TBC1D16: variants seen among roughly 807,000 people sequenced by gnomAD.
TBC1D16 encodes the protein CTD-2529O21.1.
Under a neutral mutation model 74.7 loss-of-function variants are expected in TBC1D16, and 58 were observed. That is an observed-to-expected ratio of 0.78 (90% CI 0.63 to 0.97). The LOEUF (loss-of-function observed/expected upper bound fraction) is 0.97, where lower values mean the gene tolerates loss of function less well. Among genes scored for constraint, TBC1D16 ranks in the 50% least tolerant of loss-of-function variants. The pLI is 0.00. For missense variants in TBC1D16, 1,014 were observed against 1,079.5 expected (o/e 0.94, Z 0.85); for synonymous variants, 493 against 474.7 (o/e 1.04, Z -0.50).
Position 79,985,576 on chromosome 17 carries a change from TG to T in TBC1D16, c.779+24583del, listed in dbSNP as rs1172967152. Reference sequence around the variant, plus strand: ...ACTGGCCTGGCACTCACGCTCGGGGTGGGGGGCATCCCAGGCCCTGAGACTG... The same window carrying T: ...ACTGGCCTGGCACTCACGCTCGGGGTGGGGGCATCCCAGGCCCTGAGACTG... On this transcript the variant is annotated intron_variant, in intron 3 of 11. Transcript: ENST00000310924. This position sits in a 1 kb window ranked among gnomAD's most constrained non-coding sequence, Gnocchi z 4.9. Among the ~76,000 whole-genome samples, 1 of 152,096 alleles carries T rather than the reference TG, an allele frequency of 6.6e-6. No individual in the cohort carries two copies. The highest frequency in any genetic ancestry group is 1.5e-5 in the Non-Finnish European group (1 of 67,996).
intron 3 of TBC1D16, among the ~76,000 whole-genome samples, chr17:79,974,605 AG>A (rs1208140434): frequency 6.6e-6 from 1 of 152,126 alleles, no homozygotes; most frequent in Non-Finnish European, 1.5e-5. Context: ...AGCTGCAGTG[AG>A]GGGGGACTAT....
intron 1 of TBC1D16, among the ~76,000 whole-genome samples, chr17:80,017,391 G>A (rs1382303299): frequency 6.6e-6 from 1 of 152,020 alleles, no homozygotes; most frequent in African/African-American, 2.4e-5. Context: ...CTTAAAAAAC[G>A]TAAAAACCGG....
rs1371164786 is a variant in TBC1D16 at position 79,941,107 on chromosome 17, C to T, written c.2056G>A (p.Ala686Thr). 1.9e-6 allele frequency: 3 copies of T among 1,568,930 alleles called. No individual in the cohort carries two copies. In the African/African-American group the frequency reaches 4.1e-5, roughly 21 times the overall value. Residue 686 changes from alanine (A) to threonine (T), a missense_variant and splice_region_variant, in exon 12 of 12, where the codon GCG (alanine) becomes ACG (threonine). Coordinates refer to ENST00000310924, the MANE Select transcript of TBC1D16 (RefSeq NM_019020.4). This position sits in a 1 kb window ranked among gnomAD's most constrained non-coding sequence, Gnocchi z 4.3. ...CGGAACTGGTACAGCAAACTCCTCGCCTGCAGACAGAGGACGGGGGGTGAG... is the reference window on the plus strand; with the variant it reads ...CGGAACTGGTACAGCAAACTCCTCGTCTGCAGACAGAGGACGGGGGGTGAG... Reference protein sequence around the residue: ...HMNGELVLRKARSLLYQFRLL... With the variant: ...HMNGELVLRKTRSLLYQFRLL...
rs1184344056 is a variant in TBC1D16 at position 80,007,919 on chromosome 17, C to T, written c.779+2241G>A. Among the ~76,000 whole-genome samples the T allele has an allele frequency of 2.6e-5, 4 of 151,962 alleles. No homozygotes were observed. The highest frequency in any genetic ancestry group is 5.9e-5 in the Non-Finnish European group (4 of 67,990). On this transcript the variant is annotated intron_variant, in intron 3 of 11. Coordinates refer to ENST00000310924, the MANE Select transcript of TBC1D16 (RefSeq NM_019020.4). This position sits in a 1 kb window ranked among gnomAD's most constrained non-coding sequence, Gnocchi z 4.5. ...CATCCTGAAAATGATGGGCGGCCCC[C>T]GGTGGGTCCCAGGCAGAGGGACAGC...
At chr17:79,960,721 C>T (rs890413272) in intron 3 of TBC1D16, among the ~76,000 whole-genome samples, 4 of 138,908 alleles carry the variant, frequency 2.9e-5, no homozygotes, top group African/African-American at 1.1e-4. Flanking sequence ...TGCCACTGCA[C>T]TTCAGCCCGA....
In TBC1D16 at chr17:80,035,654, C is replaced by G. The variant is rs1050119162; in HGVS notation, c.-63+141G>C. 2 of 150,356 alleles carry G rather than the reference C, an allele frequency of 1.3e-5. No individual in the cohort carries two copies. The highest frequency in any genetic ancestry group is 4.9e-5 in the African/African-American group (2 of 41,212). The allele number at this position is 150,356 out of a possible 1,614,324, so 9.3% of individuals were successfully genotyped here. ...GGACGGCGGCCGGACCCCGGCCCCTCCCCGGTCCCGCGGCTGCAGGCCCAC... is the reference window on the plus strand; with the variant it reads ...GGACGGCGGCCGGACCCCGGCCCCTGCCCGGTCCCGCGGCTGCAGGCCCAC... On this transcript the variant is annotated intron_variant, in intron 1 of 11. Transcript: ENST00000310924. This position sits in a 1 kb window ranked among gnomAD's most constrained non-coding sequence, Gnocchi z 5.3.
In TBC1D16 at chr17:79,990,235, A is replaced by T. The variant is rs1459061867; in HGVS notation, c.779+19925T>A. On this transcript the variant is annotated intron_variant, in intron 3 of 11. Transcript: ENST00000310924. This position sits in a 1 kb window ranked among gnomAD's most constrained non-coding sequence, Gnocchi z 4.8. ...AACTAGCCGCGTGGACAGCAGCCGT[A>T]GCCCTCACAAGGCGTGTGCGGTGAC... is the stretch of plus-strand genomic sequence containing the variant. Among the ~76,000 whole-genome samples the T allele has an allele frequency of 1.3e-5, 2 of 152,224 alleles. No individual in the cohort carries two copies. Among genetic ancestry groups the T allele is most frequent in the Non-Finnish European group, 2.9e-5 (2 of 68,042 alleles).
At chr17:79,948,769 G>C (rs2032778541) in intron 8 of TBC1D16, 103 bp downstream of exon 8, 5 of 1,445,182 alleles carry the variant, frequency 3.5e-6, no homozygotes, top group Admixed American at 1.7e-5. Flanking sequence ...ACCTGGAAGA[G>C]AGCCCCTGCA....
At chr17:80,024,534 C>CATACCA (rs1285327174) in intron 1 of TBC1D16, among the ~76,000 whole-genome samples, 1 of 149,146 alleles carries the variant, frequency 6.7e-6, no homozygotes, top group Non-Finnish European at 1.5e-5. Context: ...CATGCACACA[C>CATACCA]CACACACCAT....
chr17:80,021,897 C>T (rs62074527), intron 1 of TBC1D16, among the ~76,000 whole-genome samples: 20,224 of 149,750 alleles, frequency 0.14, 127 homozygotes, highest in African/African-American at 0.21. Context: ...CAAACACACA[C>T]CATGACACAC....
intron 3 of TBC1D16, among the ~76,000 whole-genome samples, chr17:79,989,325 C>T (rs1188928020): frequency 2.0e-5 from 3 of 152,224 alleles, no homozygotes; most frequent in African/African-American, 7.2e-5. Context: ...GCATCAAAGC[C>T]CCTCTCACTG....
At chr17:80,016,680 A>T (rs1319497707) in intron 1 of TBC1D16, among the ~76,000 whole-genome samples, 2 of 152,106 alleles carry the variant, frequency 1.3e-5, no homozygotes, top group Non-Finnish European at 2.9e-5. Flanking sequence ...GGCAGGGGGC[A>T]GATGTCAGTG....
At chr17:79,977,975 G>A (rs1457454307) in intron 3 of TBC1D16, among the ~76,000 whole-genome samples, 1 of 152,240 alleles carries the variant, frequency 6.6e-6, no homozygotes, top group Non-Finnish European at 1.5e-5. Flanking sequence ...TGCTGAGGGG[G>A]GCCCACGGGA....
chr17:79,980,732 C>T lies in TBC1D16; in HGVS notation c.780-27914G>A, dbSNP rs1042939250. Among the ~76,000 whole-genome samples the T allele has an allele frequency of 1.3e-5, 2 of 152,360 alleles. No individual in the cohort carries two copies. Among genetic ancestry groups the T allele is most frequent in the Admixed American group, 1.3e-4 (2 of 15,296 alleles). ...CCAGGGTTCACTCGAACCGCCTCCG[C>T]GCACCCCAACAGCAGAGACGTAACG... is the stretch of plus-strand genomic sequence containing the variant. On this transcript the variant is annotated intron_variant, in intron 3 of 11. Coordinates refer to ENST00000310924, the MANE Select transcript of TBC1D16 (RefSeq NM_019020.4). The surrounding 1 kb of genome is among the most constrained non-coding windows in gnomAD (Gnocchi z 7.0).
intron 3 of TBC1D16, among the ~76,000 whole-genome samples, chr17:79,957,410 G>A (rs913087719): frequency 2.0e-5 from 3 of 152,200 alleles, no homozygotes; most frequent in African/African-American, 7.2e-5. Flanking sequence ...ACTTCAGTGC[G>A]TCTTACGAAG....
chr17:79,947,502 G>T (rs1480620713), intron 9 of TBC1D16, 143 bp downstream of exon 9: 1 of 882,202 alleles, frequency 1.1e-6, no homozygotes, highest in Admixed American at 2.5e-5. Flanking sequence ...CATATCCCAC[G>T]GGCAAGTCCT....
chr17:80,030,514 C>G (rs998397349), intron 1 of TBC1D16, among the ~76,000 whole-genome samples: 3 of 152,156 alleles, frequency 2.0e-5, no homozygotes, highest in Admixed American at 6.5e-5. Flanking sequence ...AACAGGAAAA[C>G]AAAAAGAACA....
At position 80,000,216 on chromosome 17, in the gene TBC1D16, G is replaced by A. The variant is rs545812688; in HGVS notation, c.779+9944C>T. 4.1e-4 allele frequency among the ~76,000 whole-genome samples: 63 copies of A among 152,264 alleles called. No individual in the cohort carries two copies. Among genetic ancestry groups the A allele is most frequent in the Non-Finnish European group, 8.1e-4 (55 of 68,024 alleles). ...TAGAGCATATGCCGCGGTGAACAGT[G>A]CTCCCCCAAGATTCATGTCCACACA... is the stretch of plus-strand genomic sequence containing the variant. On this transcript the variant is annotated intron_variant, in intron 3 of 11. Coordinates refer to ENST00000310924, the MANE Select transcript of TBC1D16 (RefSeq NM_019020.4). This position sits in a 1 kb window ranked among gnomAD's most constrained non-coding sequence, Gnocchi z 4.1.
At chr17:79,942,950 C>T (rs2032158294) in intron 10 of TBC1D16, among the ~76,000 whole-genome samples, 1 of 152,262 alleles carries the variant, frequency 6.6e-6, no homozygotes, top group African/African-American at 2.4e-5. Flanking sequence ...GTCCTGACGG[C>T]TGCATCCTGT....
Sources: gnomAD v4.1 joint callset for allele counts (sites outside exome capture counted in the v4.1 genomes callset) on GRCh38, gnomAD v4.1.1 for gene constraint, Gnocchi (gnomAD v3.1) non-coding constraint, MANE v1.5 for transcripts, NCBI Gene and HGNC (gene_info 2026-07-23, HGNC 2026-07-21) for gene names.